CFAP61: variants seen among roughly 807,000 people sequenced by gnomAD.
CFAP61 encodes cilia- and flagella-associated protein 61.
Under a neutral mutation model 135.6 loss-of-function variants are expected in CFAP61, and 107 were observed. That is an observed-to-expected ratio of 0.79 (90% CI 0.67 to 0.93). CFAP61 has a LOEUF of 0.93. Among genes scored for constraint, CFAP61 ranks in the 40% least tolerant of loss-of-function variants. CFAP61 has a pLI of 0.00. For synonymous variants in CFAP61, 575 were observed against 578.5 expected (o/e 0.99, Z 0.09); for missense variants, 1,507 against 1,556.2 (o/e 0.97, Z 0.53).
intron 17 of CFAP61, among the ~76,000 whole-genome samples, chr20:20,216,065 G>T (rs931847803): frequency 2.6e-5 from 4 of 152,148 alleles, no homozygotes; most frequent in Admixed American, 6.5e-5. Context: ...TGGCAAAGGT[G>T]ACGATTTTAT....
chr20:20,320,376 TATATATGTAATATATATAATATATGTA>T (rs2057398591), intron 25 of CFAP61, among the ~76,000 whole-genome samples: 1 of 6,718 alleles, frequency 1.5e-4, no homozygotes, highest in Non-Finnish European at 5.3e-4. Context: ...ATATATATTA[TATATATGTAATATATATAATATATGTA>T]ATATATGTAA....
intron 17 of CFAP61, among the ~76,000 whole-genome samples, chr20:20,210,716 G>T (rs1311598240): frequency 6.6e-6 from 1 of 152,242 alleles, no homozygotes; most frequent in Non-Finnish European, 1.5e-5. Context: ...TCATTATGAA[G>T]TGATTGGAGG....
chr20:20,063,807 G>A (rs539408819), intron 2 of CFAP61, among the ~76,000 whole-genome samples: 113 of 152,348 alleles, frequency 7.4e-4, no homozygotes, highest in Middle Eastern at 6.8e-3. Flanking sequence ...GGAAAGGAAT[G>A]TGAATTAGAA....
At chr20:20,096,896 G>A (rs1426947009) in intron 7 of CFAP61, among the ~76,000 whole-genome samples, 1 of 152,132 alleles carries the variant, frequency 6.6e-6, no homozygotes, top group Non-Finnish European at 1.5e-5. Context: ...TGTAAATCCA[G>A]GCTTTTTCAG....
chr20:20,057,283 C>G (rs1411159460), intron 2 of CFAP61, among the ~76,000 whole-genome samples: 1 of 152,092 alleles, frequency 6.6e-6, no homozygotes, highest in Non-Finnish European at 1.5e-5. Flanking sequence ...ATTCCTATTT[C>G]CTATAATAAT....
chr20:20,304,985 A>T (rs1225683957), intron 25 of CFAP61, among the ~76,000 whole-genome samples: 1 of 152,102 alleles, frequency 6.6e-6, no homozygotes. Flanking sequence ...CGTGGTGTAA[A>T]TAGGTCTTGC....
At chr20:20,173,492 A>T (rs1432271229) in intron 13 of CFAP61, among the ~76,000 whole-genome samples, 3 of 152,134 alleles carry the variant, frequency 2.0e-5, no homozygotes, top group Admixed American at 6.5e-5. Flanking sequence ...TGTTAGTGTT[A>T]CCTCACTGTT....
intron 20 of CFAP61, chr20:20,253,473 G>A: frequency 2.7e-6 from 1 of 372,888 alleles, no homozygotes. Context: ...CTGTGAGTCT[G>A]GCCACACATC....
chr20:20,115,961 T>C (rs998990041), intron 8 of CFAP61, among the ~76,000 whole-genome samples: 2 of 152,250 alleles, frequency 1.3e-5, no homozygotes, highest in African/African-American at 4.8e-5. Context: ...TACCTAGCAC[T>C]GAGATTGCTG....
chr20:20,338,811 T>C (rs1476405226), intron 25 of CFAP61, among the ~76,000 whole-genome samples: 1 of 152,258 alleles, frequency 6.6e-6, no homozygotes, highest in East Asian at 1.9e-4. Flanking sequence ...ACTGCCTGGA[T>C]GAGCAGGCAA....
intron 13 of CFAP61, among the ~76,000 whole-genome samples, chr20:20,185,607 C>T (rs545615432): frequency 5.3e-5 from 8 of 152,236 alleles, no homozygotes; most frequent in Admixed American, 3.9e-4. Context: ...AACAGTGAGA[C>T]GACTCTTAGA....
intron 12 of CFAP61, 72 bp downstream of exon 12, chr20:20,166,508 A>C: frequency 1.1e-5 from 13 of 1,184,644 alleles, no homozygotes; most frequent in Non-Finnish European, 1.6e-5. Flanking sequence ...AAATGCCATA[A>C]ATTTATTATG....
intron 5 of CFAP61, 106 bp downstream of exon 5, chr20:20,075,362 A>C: frequency 1.4e-6 from 2 of 1,449,560 alleles, no homozygotes; most frequent in South Asian, 1.1e-5. Flanking sequence ...CCAGGTCCTC[A>C]ATGTACCATG....
intron 18 of CFAP61, among the ~76,000 whole-genome samples, chr20:20,240,756 T>G (rs148832506): frequency 6.6e-6 from 1 of 152,206 alleles, no homozygotes; most frequent in African/African-American, 2.4e-5. Flanking sequence ...TTTGAAAAAC[T>G]ACATTTTCCA....
intron 6 of CFAP61, among the ~76,000 whole-genome samples, chr20:20,088,413 G>A (rs944246214): frequency 6.6e-6 from 1 of 152,186 alleles, no homozygotes; most frequent in African/African-American, 2.4e-5. Flanking sequence ...AATCATGGTG[G>A]AAGGGGAAGC....
At chr20:20,271,107 C>G (rs1036826051) in intron 21 of CFAP61, among the ~76,000 whole-genome samples, 1 of 152,158 alleles carries the variant, frequency 6.6e-6, no homozygotes, top group African/African-American at 2.4e-5. Context: ...GCCTGGTCAA[C>G]ATAGCAAGAC....
chr20:20,074,149 G>A (rs915781622), intron 3 of CFAP61, among the ~76,000 whole-genome samples, 153 bp from the exon 4 acceptor site: 3 of 152,184 alleles, frequency 2.0e-5, no homozygotes, highest in Non-Finnish European at 4.4e-5. Flanking sequence ...CTCAAATGCC[G>A]CCTGGGTGTT....
At chr20:20,085,769 A>G (rs928240261) in intron 6 of CFAP61, among the ~76,000 whole-genome samples, 5 of 152,254 alleles carry the variant, frequency 3.3e-5, no homozygotes, top group African/African-American at 4.8e-5. Flanking sequence ...ATGTCTGTTA[A>G]TAAATATTGA....
At chr20:20,054,592 T>C (rs61267482) in intron 1 of CFAP61, among the ~76,000 whole-genome samples, 12,174 of 152,316 alleles carry the variant, frequency 0.08, 1,364 homozygotes, top group East Asian at 0.6. Context: ...TGTGCCGATA[T>C]TGTCTCTGGT....
Sources: gnomAD v4.1 joint callset for allele counts (sites outside exome capture counted in the v4.1 genomes callset) on GRCh38, gnomAD v4.1.1 for gene constraint, MANE v1.5 for transcripts, NCBI Gene and HGNC (gene_info 2026-07-23, HGNC 2026-07-21) for gene names.